The following CPSF6 variants were observed in gnomAD, a reference collection of about 807,000 sequenced individuals.
CPSF6 encodes cleavage and polyadenylation specificity factor subunit 6.
A neutral mutation model predicts 56.7 loss-of-function variants in CPSF6; 10 were observed. The observed-to-expected ratio is 0.18, with a 90% CI of 0.11 to 0.30. The LOEUF is 0.30. Among genes scored for constraint, CPSF6 ranks in the 10% least tolerant of loss-of-function variants. The pLI, the probability that CPSF6 is intolerant of heterozygous loss-of-function variation, is 1.00. For missense variants in CPSF6, 419 were observed against 722.9 expected, an observed-to-expected ratio of 0.58 and a Z score of 4.82; for synonymous variants, 248 against 244.8, an observed-to-expected ratio of 1.01 and a Z score of -0.12.
intron 1 of CPSF6, among the ~76,000 whole-genome samples, chr12:69,242,496 T>C (rs994270872): frequency 1.3e-5 from 2 of 152,242 alleles, no homozygotes; most frequent in Non-Finnish European, 2.9e-5. Flanking sequence ...GAAGCTCTAA[T>C]AGAGTGCCTT....
chr12:69,250,112 AT>A (rs1872152647), intron 1 of CPSF6, among the ~76,000 whole-genome samples: 1 of 152,106 alleles, frequency 6.6e-6, no homozygotes, highest in Admixed American at 6.6e-5. Context: ...TTATTACGAC[AT>A]TTTGAATTAT....
chr12:69,251,244 C>A lies in CPSF6; in HGVS notation c.176C>A (p.Thr59Asn), dbSNP rs1253482991. The change falls in exon 2 of 10, where the codon ACT becomes AAT. Residue 59 changes from threonine to asparagine, a missense_variant. Thr to Asn is a moderately conservative substitution (Grantham distance 65, BLOSUM62 0). Coordinates refer to ENST00000435070, the MANE Select transcript of CPSF6 (RefSeq NM_007007.3). ...DRDYMDTLPP[T>N]VGDDVGKGAA... is the part of the protein sequence containing the mutation. ...GATTACATGGATACTCTCCCACCAACTGTTGGTGATGATGTGGGTAAAGGA... is the reference window on the plus strand; with the variant it reads ...GATTACATGGATACTCTCCCACCAAATGTTGGTGATGATGTGGGTAAAGGA... The A allele has an allele frequency of 6.2e-7, 1 of 1,613,058 alleles. No individual in the cohort carries two copies. Among genetic ancestry groups the A allele is most frequent in the South Asian group, 1.1e-5 (1 of 91,020 alleles).
In CPSF6 at chr12:69,256,709, T is replaced by C; in HGVS notation, c.387T>C (p.Val129=). 1 of 1,611,868 alleles carries C rather than the reference T, an allele frequency of 6.2e-7. No individual in the cohort carries two copies. Residue 129 remains valine, a synonymous_variant, in exon 4 of 10, where the codon GTT becomes GTC. Coordinates refer to ENST00000435070, the MANE Select transcript of CPSF6 (RefSeq NM_007007.3). ...ANGQSKGFAL[V]GVGSEASSKK... ...AAACACTTTTTAGGTTTGCCCTTGT[T>C]GGTGTTGGATCTGAAGCATCTTCAA... is the stretch of plus-strand genomic sequence containing the variant.
rs1491257320 is a variant in CPSF6, at chr12:69,249,152, C to CGGTGGG, written c.61-1975_61-1974insTGGGGG. 4.2e-3 allele frequency among the ~76,000 whole-genome samples: 69 copies of CGGTGGG among 16,562 alleles called. 20 individuals carry two copies. The highest frequency in any genetic ancestry group is 7.0e-3 in the South Asian group (3 of 428). The allele number at this position is 16,562 out of a possible 152,430, so 10.9% of individuals were successfully genotyped here. The stretch of plus-strand genomic sequence containing the variant: ...GCGGGCGCCTGTAGTCCCAGCTACT[C>CGGTGGG]GGGGGGGGGGGGGGGGGCTGAGGCA... On this transcript the variant is annotated intron_variant, in intron 1 of 9. Coordinates refer to ENST00000435070, the MANE Select transcript of CPSF6 (RefSeq NM_007007.3).
intron 6 of CPSF6, 107 bp downstream of exon 6, chr12:69,259,201 A>T: frequency 2.2e-6 from 3 of 1,340,006 alleles, no homozygotes; most frequent in Non-Finnish European, 3.0e-6. Flanking sequence ...CCTTCCAAGA[A>T]GATGAGGTGT....
chr12:69,254,242 A>G (rs1592801287), intron 3 of CPSF6, among the ~76,000 whole-genome samples: 1 of 152,108 alleles, frequency 6.6e-6, no homozygotes, highest in African/African-American at 2.4e-5. Context: ...CTCATTCTTT[A>G]CCATTGTCTA....
At chr12:69,242,937 C>T (rs1296412080) in intron 1 of CPSF6, among the ~76,000 whole-genome samples, 1 of 152,082 alleles carries the variant, frequency 6.6e-6, no homozygotes, top group Non-Finnish European at 1.5e-5. Context: ...GGTGAAACCC[C>T]ATCTCTATCA....
At chr12:69,259,676 T>C in intron 7 of CPSF6, 133 bp downstream of exon 7, 1 of 834,304 alleles carries the variant, frequency 1.2e-6, no homozygotes, top group Non-Finnish European at 1.8e-6. Context: ...TACCTACGAT[T>C]TATTTAAAAA....
chr12:69,254,445 A>G (rs886244323), intron 3 of CPSF6, among the ~76,000 whole-genome samples: 2 of 152,112 alleles, frequency 1.3e-5, no homozygotes, highest in Non-Finnish European at 2.9e-5. Context: ...CAGGACTCAA[A>G]CTGTTTAAGA....
chr12:69,241,418 C>T (rs1871611424), intron 1 of CPSF6, among the ~76,000 whole-genome samples: 1 of 152,164 alleles, frequency 6.6e-6, no homozygotes, highest in Non-Finnish European at 1.5e-5. Flanking sequence ...CTGCAAGGAA[C>T]AACGATTGAG....
At chr12:69,252,606 AT>A (rs1240083155) in intron 2 of CPSF6, among the ~76,000 whole-genome samples, 2 of 152,174 alleles carry the variant, frequency 1.3e-5, no homozygotes, top group African/African-American at 4.8e-5. Context: ...TATGGTTGTT[AT>A]AAGAGTTAGT....
rs1430854508 is a variant in CPSF6 at position 69,273,052 on chromosome 12, G to T, written c.*3544G>T. 3.5e-6 allele frequency: 1 copy of T among 284,840 alleles called. No homozygotes were observed. Among genetic ancestry groups the T allele is most frequent in the African/African-American group, 2.2e-5 (1 of 44,638 alleles). 17.6% of individuals were successfully genotyped at this position (284,840 alleles called of 1,614,324 possible). A position where few individuals can be genotyped will look rare whatever the true frequency, so the allele number is the denominator to read the frequency against. On this transcript the variant is annotated 3_prime_UTR_variant, in exon 10 of 10. Coordinates refer to ENST00000435070, the MANE Select transcript of CPSF6 (RefSeq NM_007007.3). ...TGTGGCCTTACATATGGCATTCCTT[G>T]TGTTCGTAATGTGAGATTTTTGATT...
Position 69,251,179 on chromosome 12 carries a change from A to T in CPSF6, c.111A>T (p.Ile37=). Residue 37 remains isoleucine, a synonymous_variant, in exon 2 of 10, where the codon ATA becomes ATT. Coordinates refer to ENST00000435070, the MANE Select transcript of CPSF6 (RefSeq NM_007007.3). ...HDQIDLYDDV[I]SPSANNGDAP... is the part of the protein sequence containing the mutation. Reference sequence around the variant, plus strand: ...AGATAGATTTGTATGACGATGTCATATCTCCATCTGCAAATAATGGAGATG... The same window carrying T: ...AGATAGATTTGTATGACGATGTCATTTCTCCATCTGCAAATAATGGAGATG... 1 of 1,613,186 alleles carries T rather than the reference A, an allele frequency of 6.2e-7. No individual in the cohort carries two copies. Among genetic ancestry groups the T allele is most frequent in the Non-Finnish European group, 8.5e-7 (1 of 1,179,782 alleles).
intron 1 of CPSF6, among the ~76,000 whole-genome samples, chr12:69,247,253 C>G (rs1196077124): frequency 6.6e-6 from 1 of 151,920 alleles, no homozygotes; most frequent in Non-Finnish European, 1.5e-5. Flanking sequence ...GGCTTGGCAA[C>G]AGATATTTGT....
At chr12:69,264,623 T>G (rs2120618922) in intron 9 of CPSF6, among the ~76,000 whole-genome samples, 1 of 152,278 alleles carries the variant, frequency 6.6e-6, no homozygotes, top group Non-Finnish European at 1.5e-5. Context: ...TAATCAGAAT[T>G]GAGTTGTAAT....
intron 8 of CPSF6, among the ~76,000 whole-genome samples, chr12:69,261,180 A>G (rs1872727108): frequency 6.6e-6 from 1 of 152,172 alleles, no homozygotes; most frequent in Non-Finnish European, 1.5e-5. Flanking sequence ...TGCCTTTGAC[A>G]TGGTCCCCAG....
At chr12:69,269,010 TATA>T (rs751560167) in intron 9 of CPSF6, among the ~76,000 whole-genome samples, 3 of 151,936 alleles carry the variant, frequency 2.0e-5, no homozygotes, top group Non-Finnish European at 4.4e-5. Flanking sequence ...CCATTTGATT[TATA>T]ATACTTGCAG....
In CPSF6 at chr12:69,258,915, T is replaced by C; in HGVS notation, c.1020T>C (p.Pro340=). ...PLGPPLTLAP[P]PHLPGPPPGA... Reference sequence around the variant, plus strand: ...GGCCACCCCTTACACTAGCTCCTCCTCCGCATCTTCCTGGACCACCTCCAG... The same window carrying C: ...GGCCACCCCTTACACTAGCTCCTCCCCCGCATCTTCCTGGACCACCTCCAG... The change falls in exon 6 of 10, where the codon CCT becomes CCC. Residue 340 remains proline, a synonymous_variant. Transcript: ENST00000435070. This position sits in a 1 kb window ranked among gnomAD's most constrained non-coding sequence, Gnocchi z 4.2. 1.2e-6 allele frequency: 2 copies of C among 1,614,018 alleles called. No individual in the cohort carries two copies. Among genetic ancestry groups the C allele is most frequent in the South Asian group, 2.2e-5 (2 of 91,068 alleles).
chr12:69,256,759 A>G lies in CPSF6; in HGVS notation c.437A>G (p.Lys146Arg). 6.2e-7 allele frequency: 1 copy of G among 1,613,872 alleles called. No homozygotes were observed. The highest frequency in any genetic ancestry group is 8.5e-7 in the Non-Finnish European group (1 of 1,179,800). ...AAAAAGTTAATGGATCTGTTACCTA[A>G]AAGAGAACTTCATGGTCAGAATCCT... ...SSKKLMDLLP[K>R]RELHGQNPVV... The change falls in exon 4 of 10, where the codon AAA (lysine) becomes AGA (arginine). Residue 146 changes from lysine to arginine, a missense_variant. By Grantham distance (26) the Lys-to-Arg change is conservative. Transcript: ENST00000435070.
Sources: gnomAD v4.1 joint callset for allele counts (sites outside exome capture counted in the v4.1 genomes callset) on GRCh38, gnomAD v4.1.1 for gene constraint, Gnocchi (gnomAD v3.1) non-coding constraint, MANE v1.5 for transcripts, NCBI Gene and HGNC (gene_info 2026-07-23, HGNC 2026-07-21) for gene names.